SMYD3: variants seen among roughly 807,000 people sequenced by gnomAD.
SMYD3 encodes histone-lysine N-methyltransferase SMYD3.
In SMYD3, 36 loss-of-function variants were observed where a neutral mutation model predicts 57.7. The ratio of observed to expected loss-of-function variants is 0.62; its 90% CI spans 0.48 to 0.82. The LOEUF (loss-of-function observed/expected upper bound fraction) is 0.82, where lower values mean the gene tolerates loss of function less well. Ranked by LOEUF, SMYD3 falls within the 40% of genes least tolerant of loss-of-function variation. The pLI is 0.00. For missense variants in SMYD3, 515 were observed against 538.8 expected (o/e 0.96, Z 0.44); for synonymous variants, 211 against 195.0 (o/e 1.08, Z -0.68).
chr1:246,300,312 C>T (rs1453221458), intron 5 of SMYD3, among the ~76,000 whole-genome samples: 1 of 152,130 alleles, frequency 6.6e-6, no homozygotes, highest in Non-Finnish European at 1.5e-5. Flanking sequence ...TGAAAATGCA[C>T]ATTTGCATGT....
At chr1:246,183,955 C>G (rs1415321761) in intron 5 of SMYD3, among the ~76,000 whole-genome samples, 1 of 152,146 alleles carries the variant, frequency 6.6e-6, no homozygotes, top group Non-Finnish European at 1.5e-5. Flanking sequence ...ATATCAAAGT[C>G]AAAGCGCTTT....
rs73130331 is a variant in SMYD3 at position 245,956,043 on chromosome 1, T to G, written c.532-26106A>C. The G allele has an allele frequency of 9.9e-3, 9,802 of 985,222 alleles. 547 individuals are homozygous for G. In the African/African-American group the frequency reaches 0.13, roughly 13 times the overall value. 61.0% of individuals were successfully genotyped at this position (985,222 alleles called of 1,614,324 possible). A position where few individuals can be genotyped will look rare whatever the true frequency, so the allele number is the denominator to read the frequency against. On this transcript the variant is annotated intron_variant, in intron 5 of 11. Coordinates refer to ENST00000490107, the MANE Select transcript of SMYD3 (RefSeq NM_001167740.2). ...AAATGCAAAAAATTACAAATGACCC[T>G]ATGTTCATTACTAGGTTATACAAAT...
At chr1:246,422,057 C>T (rs1480161243) in intron 1 of SMYD3, among the ~76,000 whole-genome samples, 1 of 152,138 alleles carries the variant, frequency 6.6e-6, no homozygotes, top group Non-Finnish European at 1.5e-5. Context: ...CATCCCTTAG[C>T]CCAGTTAACC....
chr1:246,439,364 T>C (rs1314077883), intron 1 of SMYD3, among the ~76,000 whole-genome samples: 1 of 152,196 alleles, frequency 6.6e-6, no homozygotes, highest in Non-Finnish European at 1.5e-5. Context: ...GTGGACTTTA[T>C]GTAAAAGCCT....
At chr1:246,104,648 T>C (rs1223134915) in intron 5 of SMYD3, among the ~76,000 whole-genome samples, 2 of 151,658 alleles carry the variant, frequency 1.3e-5, no homozygotes. Context: ...GGGGGAAAAA[T>C]AACACAAGCC....
chr1:245,888,189 A>G (rs576504024), intron 8 of SMYD3, among the ~76,000 whole-genome samples: 1 of 152,336 alleles, frequency 6.6e-6, no homozygotes, highest in South Asian at 2.1e-4. Flanking sequence ...GCACTGGCCA[A>G]TGTCAGTCTA....
At chr1:245,762,505 A>T (rs918803350) in intron 11 of SMYD3, among the ~76,000 whole-genome samples, 3 of 152,180 alleles carry the variant, frequency 2.0e-5, no homozygotes, top group African/African-American at 7.2e-5. Flanking sequence ...CTGGCTGACA[A>T]GTACCCCCAG....
chr1:245,917,920 C>T (rs1031527617), intron 7 of SMYD3, among the ~76,000 whole-genome samples: 1 of 152,138 alleles, frequency 6.6e-6, no homozygotes, highest in African/African-American at 2.4e-5. Context: ...CATCTCATGT[C>T]TACAAAGCAT....
chr1:246,358,192 G>A (rs1189755915), intron 1 of SMYD3, among the ~76,000 whole-genome samples: 1 of 151,956 alleles, frequency 6.6e-6, no homozygotes, highest in Non-Finnish European at 1.5e-5. Flanking sequence ...AGACTTTAAA[G>A]CAAAAGCAGT....
intron 5 of SMYD3, among the ~76,000 whole-genome samples, chr1:246,028,900 T>C (rs1182792717): frequency 2.0e-5 from 3 of 152,066 alleles, no homozygotes; most frequent in Non-Finnish European, 2.9e-5. Flanking sequence ...ACCATTAGCA[T>C]AGAATAGAGA....
intron 1 of SMYD3, among the ~76,000 whole-genome samples, chr1:246,420,196 CAA>C (rs58293193): frequency 1.3e-4 from 15 of 112,502 alleles, no homozygotes; most frequent in Admixed American, 2.8e-4. Context: ...AAGACTGTCT[CAA>C]AAAAAAAAAA....
intron 5 of SMYD3, among the ~76,000 whole-genome samples, chr1:246,197,649 G>C (rs950247733): frequency 1.3e-5 from 2 of 152,042 alleles, no homozygotes; most frequent in Admixed American, 6.6e-5. Context: ...AAAATAACGT[G>C]GTATCCTGTG....
intron 10 of SMYD3, among the ~76,000 whole-genome samples, chr1:245,794,578 ACT>A (rs1432415469): frequency 1.3e-5 from 2 of 151,752 alleles, no homozygotes; most frequent in African/African-American, 2.4e-5. Context: ...CCTTTTAAAA[ACT>A]CTGTCAAATT....
intron 7 of SMYD3, among the ~76,000 whole-genome samples, chr1:245,918,963 CA>C (rs1489497571): frequency 3.3e-5 from 5 of 152,186 alleles, no homozygotes; most frequent in African/African-American, 1.2e-4. Flanking sequence ...GACTTTATTA[CA>C]AGGGCCAAAA....
At chr1:246,094,172 T>C (rs2060873925) in intron 5 of SMYD3, among the ~76,000 whole-genome samples, 1 of 152,140 alleles carries the variant, frequency 6.6e-6, no homozygotes, top group Non-Finnish European at 1.5e-5. Context: ...GTTTGTGATA[T>C]TCATGTTATT....
intron 10 of SMYD3, among the ~76,000 whole-genome samples, chr1:245,833,580 T>A (rs889201957): frequency 6.6e-6 from 1 of 152,250 alleles, no homozygotes; most frequent in African/African-American, 2.4e-5. Flanking sequence ...ATGGCCTCAC[T>A]TGTGAAGCTA....
intron 5 of SMYD3, among the ~76,000 whole-genome samples, chr1:246,253,955 T>C (rs10754501): frequency 0.21 from 31,498 of 152,068 alleles, 3,956 homozygotes; most frequent in East Asian, 0.58. Context: ...ACTAGGTTTA[T>C]ATTCCCATCC....
At chr1:246,479,009 T>G (rs2068067544) in intron 1 of SMYD3, among the ~76,000 whole-genome samples, 1 of 151,128 alleles carries the variant, frequency 6.6e-6, no homozygotes, top group South Asian at 2.1e-4. Flanking sequence ...TGCTCATATA[T>G]GTACACCTGT....
chr1:245,779,958 C>T (rs762819877), intron 10 of SMYD3, among the ~76,000 whole-genome samples: 26 of 152,134 alleles, frequency 1.7e-4, no homozygotes, highest in Non-Finnish European at 3.2e-4. Context: ...GGAAACGTGA[C>T]TCGAAGCCAG....
Sources: allele counts gnomAD v4.1 joint callset (sites outside exome capture counted in the v4.1 genomes callset), GRCh38; gene constraint gnomAD v4.1.1; transcripts MANE v1.5; gene names NCBI Gene and HGNC (gene_info 2026-07-23, HGNC 2026-07-21).